SVEP1: variants seen among roughly 807,000 people sequenced by gnomAD.
SVEP1 encodes the protein sushi, von Willebrand factor type A, EGF and pentraxin domain-containing protein 1.
In SVEP1, 164 loss-of-function variants were observed where a neutral mutation model predicts 367.3. The observed-to-expected ratio is 0.45, with a 90% CI of 0.39 to 0.51. The LOEUF is 0.51. Among genes scored for constraint, SVEP1 ranks in the 20% least tolerant of loss-of-function variants. The pLI, the probability that SVEP1 is intolerant of heterozygous loss-of-function variation, is 0.00. For missense variants in SVEP1, 4,117 were observed against 4,425.3 expected (o/e 0.93, Z 1.98); for synonymous variants, 1,666 against 1,611.6 (o/e 1.03, Z -0.81).
At chr9:110,435,508 A>T in intron 28 of SVEP1, 144 bp from the exon 29 acceptor site, 1 of 906,344 alleles carries the variant, frequency 1.1e-6, no homozygotes, top group South Asian at 1.7e-5. Context: ...CAGGGGCAGC[A>T]GGAGATTCTC....
intron 27 of SVEP1, among the ~76,000 whole-genome samples, chr9:110,437,639 C>CT (rs377518410): frequency 4.7e-4 from 70 of 149,712 alleles, no homozygotes; most frequent in South Asian, 1.3e-3. Context: ...TTTAACTACT[C>CT]TTTTTTTTTT....
chr9:110,407,211 A>G lies in SVEP1; in HGVS notation c.8389T>C (p.Leu2797=). The G allele has an allele frequency of 6.2e-7, 1 of 1,613,900 alleles. No individual in the cohort carries two copies. The highest frequency in any genetic ancestry group is 1.1e-5 in the South Asian group (1 of 91,070). Residue 2797 remains leucine, a synonymous_variant, in exon 38 of 48, where the codon TTG becomes CTG. Coordinates refer to ENST00000374469, the MANE Select transcript of SVEP1 (RefSeq NM_153366.4). ...KGSNYTYLST[L]YYECDPGYVL... is the part of the protein sequence containing the mutation. ...TATCCGGGGTCACACTCATAGTACA[A>G]CGTGCTCAGGTATGTGTAGTTGCTT...
chr9:110,405,483 G>A (rs1055737569), intron 38 of SVEP1, among the ~76,000 whole-genome samples: 4 of 151,032 alleles, frequency 2.6e-5, no homozygotes, highest in Non-Finnish European at 5.9e-5. Flanking sequence ...TAATTCATAT[G>A]TATTATGAAT....
In SVEP1 at chr9:110,406,200, T is replaced by C. The variant is rs749611249; in HGVS notation, c.9400A>G (p.Thr3134Ala). 1.9e-6 allele frequency: 3 copies of C among 1,603,926 alleles called. No homozygotes were observed. Among genetic ancestry groups the C allele is most frequent in the African/African-American group, 2.7e-5 (2 of 74,768 alleles). The change falls in exon 38 of 48, where the codon ACT becomes GCT. Residue 3134 changes from threonine to alanine, a missense_variant. Transcript: ENST00000374469. ...CTTTCATAGGTGTGTGCCTCTCCAG[T>C]TGCCACTGCATTGGCGACAGACGGT... Reference protein sequence around the residue: ...SPPSVANAVATGEAHTYESEV... With the variant: ...SPPSVANAVAAGEAHTYESEV...
intron 30 of SVEP1, among the ~76,000 whole-genome samples, chr9:110,433,815 T>C (rs927422882): frequency 8.5e-5 from 13 of 152,052 alleles, no homozygotes. Context: ...TTTACAGCTC[T>C]TGCTTCTAGC....
At chr9:110,428,250 C>T (rs1209010891) in intron 35 of SVEP1, among the ~76,000 whole-genome samples, 5 of 152,142 alleles carry the variant, frequency 3.3e-5, no homozygotes, top group African/African-American at 1.2e-4. Context: ...CATCCCTATG[C>T]CATGGCTTAT....
chr9:110,528,154 GTGTATA>G (rs1465459814), intron 3 of SVEP1, among the ~76,000 whole-genome samples: 40 of 25,722 alleles, frequency 1.6e-3, no homozygotes, highest in African/African-American at 1.8e-3. Flanking sequence ...GTGTGTGTGT[GTGTATA>G]TATATATATA....
At chr9:110,435,001 G>A (rs1828412333) in intron 29 of SVEP1, among the ~76,000 whole-genome samples, 1 of 151,530 alleles carries the variant, frequency 6.6e-6, no homozygotes, top group Non-Finnish European at 1.5e-5. Flanking sequence ...TAATTTTCCT[G>A]ATATTATTTT....
intron 21 of SVEP1, 90 bp downstream of exon 21, chr9:110,457,166 G>T: frequency 9.5e-7 from 1 of 1,048,524 alleles, no homozygotes; most frequent in Non-Finnish European, 1.4e-6. Flanking sequence ...TATCTTATCG[G>T]ATATAGTTAA....
chr9:110,525,270 C>T (rs1202861917), intron 3 of SVEP1, among the ~76,000 whole-genome samples: 2 of 152,108 alleles, frequency 1.3e-5, no homozygotes, highest in Non-Finnish European at 1.5e-5. Context: ...AGTTGCAGGA[C>T]ACAATGGAAA....
At chr9:110,438,051 G>T (rs1828457143) in intron 27 of SVEP1, among the ~76,000 whole-genome samples, 1 of 151,874 alleles carries the variant, frequency 6.6e-6, no homozygotes, top group South Asian at 2.1e-4. Flanking sequence ...GTATGTGTAT[G>T]TATGTGTGAG....
At chr9:110,441,246 T>C (rs531043217) in intron 27 of SVEP1, among the ~76,000 whole-genome samples, 1 of 152,310 alleles carries the variant, frequency 6.6e-6, no homozygotes, top group East Asian at 1.9e-4. Context: ...CCTAGTATTA[T>C]GAAATAATTA....
intron 1 of SVEP1, among the ~76,000 whole-genome samples, chr9:110,578,341 C>T (rs765765409): frequency 7.4e-5 from 11 of 149,056 alleles, no homozygotes; most frequent in South Asian, 2.2e-4. Flanking sequence ...CAAACAGTGG[C>T]TTTTTTAAAG....
intron 18 of SVEP1, among the ~76,000 whole-genome samples, chr9:110,460,297 T>C (rs1828837749): frequency 6.7e-6 from 1 of 148,288 alleles, no homozygotes. Context: ...TTTTGAATTT[T>C]GAGTTTTTTT....
intron 9 of SVEP1, among the ~76,000 whole-genome samples, chr9:110,485,710 T>A (rs1226898190): frequency 1.3e-5 from 2 of 152,196 alleles, no homozygotes; most frequent in African/African-American, 4.8e-5. Context: ...AACATTATTT[T>A]TCTGATTTTG....
In SVEP1 at chr9:110,408,141, G is replaced by T; in HGVS notation, c.7459C>A (p.Leu2487Ile). The change falls in exon 38 of 48, where the codon CTT (leucine) becomes ATT (isoleucine). Residue 2487 changes from leucine (L) to isoleucine (I), a missense_variant. Transcript: ENST00000374469. ...TTLCGENGHW[L>I]GGKPTCKAIE... ...GCTTTACATGTTGGTTTTCCTCCAA[G>T]CCAGTGACCATTTTCTCCACAAAGG... is the stretch of plus-strand genomic sequence containing the variant. 6.2e-7 allele frequency: 1 copy of T among 1,613,804 alleles called. No individual in the cohort carries two copies. The highest frequency in any genetic ancestry group is 1.1e-5 in the South Asian group (1 of 91,028).
At chr9:110,494,338 G>T (rs772602628) in intron 8 of SVEP1, among the ~76,000 whole-genome samples, 1 of 152,154 alleles carries the variant, frequency 6.6e-6, no homozygotes, top group Non-Finnish European at 1.5e-5. Context: ...CCTCTGAGCC[G>T]CAAGAGGAAA....
At chr9:110,400,019 G>A (rs542930509) in intron 40 of SVEP1, among the ~76,000 whole-genome samples, 10 of 152,144 alleles carry the variant, frequency 6.6e-5, no homozygotes, top group East Asian at 1.9e-4. Flanking sequence ...TAGGTGCTGC[G>A]GAAGGGATTT....
chr9:110,468,955 T>G lies in SVEP1; in HGVS notation c.3145A>C (p.Ile1049Leu), dbSNP rs1828977772. 6.3e-7 allele frequency: 1 copy of G among 1,595,636 alleles called. No homozygotes were observed. Residue 1049 changes from isoleucine to leucine, a missense_variant, in exon 17 of 48, where the codon ATC (isoleucine) becomes CTC (leucine). Ile to Leu is a conservative substitution (Grantham distance 5, BLOSUM62 2). Transcript: ENST00000374469. ...MYTEYIHSRN[I>L]SDCKAQCKQG... ...AAGCCTCTACCTTTACAATCAGAGA[T>G]GTTTCTTGAATGGATATATTCCGTG...
Sources: allele counts gnomAD v4.1 joint callset (sites outside exome capture counted in the v4.1 genomes callset), GRCh38; gene constraint gnomAD v4.1.1; transcripts MANE v1.5; gene names NCBI Gene and HGNC (gene_info 2026-07-23, HGNC 2026-07-21).